Variants in PTPRN2 observed in about 807,000 individuals in gnomAD.
PTPRN2 encodes the protein receptor-type tyrosine-protein phosphatase N2.
PTPRN2 carries 74 observed loss-of-function variants against 118.8 expected under a neutral mutation model. That is an observed-to-expected ratio of 0.62 (90% CI 0.52 to 0.76). The LOEUF (loss-of-function observed/expected upper bound fraction) is 0.76, where lower values mean the gene tolerates loss of function less well. PTPRN2 is among the 30% of genes least tolerant of loss of function. The pLI, the probability that PTPRN2 is intolerant of heterozygous loss-of-function variation, is 0.00. For missense variants in PTPRN2, 1,481 were observed against 1,394.4 expected, an observed-to-expected ratio of 1.06 and a Z score of -0.99; for synonymous variants, 641 against 608.0, an observed-to-expected ratio of 1.05 and a Z score of -0.80.
intron 12 of PTPRN2, among the ~76,000 whole-genome samples, chr7:157,889,279 G>A (rs1240263297): frequency 6.6e-6 from 1 of 150,648 alleles, no homozygotes. Context: ...CCTTCCCTGG[G>A]TTCAGACCCG....
At chr7:158,301,809 G>A (rs577516114) in intron 3 of PTPRN2, among the ~76,000 whole-genome samples, 4 of 152,204 alleles carry the variant, frequency 2.6e-5, no homozygotes, top group Non-Finnish European at 5.9e-5. Context: ...AATTAGCTGG[G>A]CATGGTGGTT....
At chr7:157,658,032 C>T (rs1391690037) in intron 13 of PTPRN2, among the ~76,000 whole-genome samples, 1 of 152,068 alleles carries the variant, frequency 6.6e-6, no homozygotes, top group African/African-American at 2.4e-5. Flanking sequence ...CACAGACACA[C>T]ACACACTGCA....
intron 2 of PTPRN2, among the ~76,000 whole-genome samples, chr7:158,340,479 A>C (rs1179252367): frequency 2.8e-5 from 3 of 108,638 alleles, no homozygotes; most frequent in African/African-American, 9.9e-5. Context: ...CCACACTCTC[A>C]CCATAATAGG....
intron 12 of PTPRN2, among the ~76,000 whole-genome samples, chr7:157,853,413 C>T (rs1373142232): frequency 2.0e-5 from 3 of 152,192 alleles, no homozygotes; most frequent in African/African-American, 7.2e-5. Context: ...CACTTTAAAC[C>T]CTGGAGAACC....
At chr7:158,106,371 A>G (rs551248180) in intron 10 of PTPRN2, among the ~76,000 whole-genome samples, 1 of 151,216 alleles carries the variant, frequency 6.6e-6, no homozygotes, top group African/African-American at 2.4e-5. Flanking sequence ...TTCCATCCCA[A>G]CCTCCACCTC....
intron 14 of PTPRN2, among the ~76,000 whole-genome samples, chr7:157,636,697 T>C (rs973347158): frequency 1.3e-5 from 2 of 152,222 alleles, no homozygotes; most frequent in Admixed American, 1.3e-4. Flanking sequence ...GGTCATCACC[T>C]TTATAGATGA....
At chr7:158,067,577 T>C (rs1810869793) in intron 11 of PTPRN2, among the ~76,000 whole-genome samples, 1 of 152,156 alleles carries the variant, frequency 6.6e-6, no homozygotes, top group Non-Finnish European at 1.5e-5. Context: ...TGTTCTACAA[T>C]CTTGAGAAAA....
chr7:158,256,425 C>T (rs1339450219), intron 3 of PTPRN2, among the ~76,000 whole-genome samples: 4 of 152,224 alleles, frequency 2.6e-5, no homozygotes, highest in Admixed American at 1.3e-4. Context: ...GTCACAAGTG[C>T]AGGGCCATTA....
rs903346981 is a variant in PTPRN2 at position 157,808,732 on chromosome 7, T to C, written c.1788+89941A>G. Among the ~76,000 whole-genome samples, 1 of 152,188 alleles carries C rather than the reference T, an allele frequency of 6.6e-6. No homozygotes were observed. Among genetic ancestry groups the C allele is most frequent in the African/African-American group, 2.4e-5 (1 of 41,440 alleles). On this transcript the variant is annotated intron_variant, in intron 12 of 22. Transcript: ENST00000389418. This position sits in a 1 kb window ranked among gnomAD's most constrained non-coding sequence, Gnocchi z 5.0. Reference sequence around the variant, plus strand: ...GAAACCTTCCCCCAACCTTGGTCCATGGAAAAACCGTCTTCCATGGAACAG... The same window carrying C: ...GAAACCTTCCCCCAACCTTGGTCCACGGAAAAACCGTCTTCCATGGAACAG...
chr7:158,540,968 A>T (rs539099286), intron 1 of PTPRN2, among the ~76,000 whole-genome samples: 53 of 152,140 alleles, frequency 3.5e-4, no homozygotes, highest in African/African-American at 1.2e-3. Context: ...AATCCCTACT[A>T]CCACCTGCAG....
chr7:158,501,020 C>G (rs1315727768), intron 1 of PTPRN2, among the ~76,000 whole-genome samples: 4 of 152,268 alleles, frequency 2.6e-5, no homozygotes, highest in Admixed American at 6.5e-5. Flanking sequence ...TCCCGCCTCC[C>G]GCTCGGAGTC....
intron 1 of PTPRN2, among the ~76,000 whole-genome samples, chr7:158,567,698 G>C (rs749284839): frequency 6.6e-6 from 1 of 152,228 alleles, no homozygotes; most frequent in Non-Finnish European, 1.5e-5. Context: ...GAAAGGGGTA[G>C]AGACAGCATG....
At chr7:158,192,179 G>T in intron 5 of PTPRN2, 148 bp downstream of exon 5, 2 of 945,570 alleles carry the variant, frequency 2.1e-6, no homozygotes, top group Non-Finnish European at 1.4e-6. Flanking sequence ...GGGGCCCCAG[G>T]AACACCGAAG....
chr7:157,628,533 G>A (rs1490389382), intron 14 of PTPRN2, among the ~76,000 whole-genome samples: 2 of 152,250 alleles, frequency 1.3e-5, no homozygotes, highest in Non-Finnish European at 2.9e-5. Flanking sequence ...TACACAGAAC[G>A]GTGTGGGTCC....
rs188397035 is a variant in PTPRN2, at chr7:157,784,604, C to A, written c.1789-101667G>T. ...AAGAGCAACTGACCCATGAAACGGG[C>A]AGGGGCTGGGCTGATCCCATATGAA... On this transcript the variant is annotated intron_variant, in intron 12 of 22. Transcript: ENST00000389418. This position sits in a 1 kb window ranked among gnomAD's most constrained non-coding sequence, Gnocchi z 4.6. Among the ~76,000 whole-genome samples, 20 of 121,612 alleles carry A rather than the reference C, an allele frequency of 1.6e-4. No individual in the cohort carries two copies. In the East Asian group the frequency reaches 3.9e-3, roughly 24 times the overall value. The allele number at this position is 121,612 out of a possible 152,430, so 79.8% of individuals were successfully genotyped here.
chr7:158,086,435 C>T (rs1309700607), intron 10 of PTPRN2, among the ~76,000 whole-genome samples: 1 of 152,232 alleles, frequency 6.6e-6, no homozygotes, highest in East Asian at 1.9e-4. Context: ...GGCCATTCCC[C>T]AGCTGCCAGC....
intron 13 of PTPRN2, 108 bp downstream of exon 13, chr7:157,682,617 A>C: frequency 8.5e-7 from 1 of 1,174,578 alleles, no homozygotes; most frequent in East Asian, 2.3e-5. Context: ...CCAAACTATG[A>C]TACAGGAACA....
At chr7:157,757,882 A>G (rs1432939371) in intron 12 of PTPRN2, among the ~76,000 whole-genome samples, 1 of 152,198 alleles carries the variant, frequency 6.6e-6, no homozygotes, top group Non-Finnish European at 1.5e-5. Context: ...TCCGCCCCTG[A>G]CGCCCGAGAC....
At chr7:158,225,967 C>T (rs1279836471) in intron 3 of PTPRN2, among the ~76,000 whole-genome samples, 4 of 151,992 alleles carry the variant, frequency 2.6e-5, no homozygotes, top group South Asian at 2.1e-4. Context: ...CAGGAAGCAC[C>T]GGTGCATCTG....
Sources: gnomAD v4.1 joint callset for allele counts (sites outside exome capture counted in the v4.1 genomes callset) on GRCh38, gnomAD v4.1.1 for gene constraint, Gnocchi (gnomAD v3.1) non-coding constraint, MANE v1.5 for transcripts, NCBI Gene and HGNC (gene_info 2026-07-23, HGNC 2026-07-21) for gene names.